REPS2: variants seen among roughly 807,000 people sequenced by gnomAD.
REPS2 encodes the protein ralBP1-associated Eps domain-containing protein 2.
In REPS2, 23 loss-of-function variants were observed where a neutral mutation model predicts 53.6. That is an observed-to-expected ratio of 0.43 (90% CI 0.31 to 0.61). REPS2 has a LOEUF of 0.61. Among genes scored for constraint, REPS2 ranks in the 20% least tolerant of loss-of-function variants. The pLI is 0.11. For synonymous variants in REPS2, 238 were observed against 218.6 expected (o/e 1.09, Z -0.78); for missense variants, 446 against 534.9 (o/e 0.83, Z 1.64).
chrX:16,993,223 T>C lies in REPS2; in HGVS notation c.274-12998T>C, dbSNP rs373436282. Among the ~76,000 whole-genome samples, 7 of 112,294 alleles carry C rather than the reference T, an allele frequency of 6.2e-5. No individual in the cohort carries two copies. The East Asian group carries it at 1.4e-3, about 22-fold the overall frequency. ...GGTGAGAGTACAGATTCTAGGTATA[T>C]GCAATTCTAATAAATGAGACTTCCC... is the stretch of plus-strand genomic sequence containing the variant. On this transcript the variant is annotated intron_variant, in intron 1 of 17. Transcript: ENST00000357277.
At chrX:16,961,896 A>C (rs375657628) in intron 1 of REPS2, among the ~76,000 whole-genome samples, 1 of 112,275 alleles carries the variant, frequency 8.9e-6, no homozygotes, top group Non-Finnish European at 1.9e-5. Flanking sequence ...AAAGGTACTC[A>C]GTATCACTAA....
Position 17,150,769 on chromosome X carries a change from TAGAA to T in REPS2, c.*3292_*3295del, listed in dbSNP as rs2063561919. 8.9e-6 allele frequency: 1 copy of T among 111,819 alleles called. No individual in the cohort carries two copies. The highest frequency in any genetic ancestry group is 3.8e-4 in the South Asian group (1 of 2,632). 9.2% of individuals were successfully genotyped at this position (111,819 alleles called of 1,213,427 possible). Reference sequence around the variant, plus strand: ...AACAGTTCCTGGCCCAAAAAATCCATAGAAAGAGGTAACTAGTGGCAGATTTGGG... The same window carrying T: ...AACAGTTCCTGGCCCAAAAAATCCATAGAGGTAACTAGTGGCAGATTTGGG... On this transcript the variant is annotated 3_prime_UTR_variant, in exon 18 of 18. Coordinates refer to ENST00000357277, the MANE Select transcript of REPS2 (RefSeq NM_004726.3).
intron 14 of REPS2, among the ~76,000 whole-genome samples, chrX:17,128,405 G>A (rs1052540532): frequency 9.1e-6 from 1 of 109,974 alleles, no homozygotes; most frequent in Admixed American, 9.7e-5. Flanking sequence ...GGCTGCTGGA[G>A]GTGGGGGTGG....
chrX:17,014,262 G>A (rs1023387878), intron 2 of REPS2, among the ~76,000 whole-genome samples: 1 of 111,214 alleles, frequency 9.0e-6, no homozygotes, highest in African/African-American at 3.3e-5. Context: ...AAAATAAAAG[G>A]GATGCTGCTT....
intron 17 of REPS2, among the ~76,000 whole-genome samples, chrX:17,139,878 A>G (rs1477544362): frequency 1.8e-5 from 2 of 111,640 alleles, no homozygotes; most frequent in Non-Finnish European, 3.8e-5. Context: ...CTAATCTAGC[A>G]TGACCTCATC....
rs751015675 is a variant in REPS2 at position 17,147,481 on chromosome X, AC to A, written c.*7del. ...AACTTCGTCCGGTCACTGTGTTGTG[AC>A]CCCCCCATGGTTCAAGTGACAGTGG... On this transcript the variant is annotated 3_prime_UTR_variant, in exon 18 of 18. Transcript: ENST00000357277. The A allele has an allele frequency of 1.0e-5, 12 of 1,177,022 alleles. No individual in the cohort carries two copies. The highest frequency in any genetic ancestry group is 9.7e-5 in the South Asian group (5 of 51,540).
Position 17,120,517 on chromosome X carries a change from A to G in REPS2, c.1579-13307A>G, listed in dbSNP as rs150976977. Among the ~76,000 whole-genome samples the G allele has an allele frequency of 7.8e-3, 877 of 111,925 alleles. 12 individuals are homozygous for G. Among genetic ancestry groups the G allele is most frequent in the African/African-American group, 0.027 (845 of 30,760 alleles). On this transcript the variant is annotated intron_variant, in intron 14 of 17. Transcript: ENST00000357277. ...AGCACTTAGAATGATGCCTGGTGCC[A>G]TAGTCAACCCTCAATAACATTTAGC...
At chrX:17,044,719 G>A (rs1419569969) in intron 5 of REPS2, among the ~76,000 whole-genome samples, 1 of 111,698 alleles carries the variant, frequency 9.0e-6, no homozygotes, top group Non-Finnish European at 1.9e-5. Flanking sequence ...GTGCTCCTGT[G>A]AGTTCTCCAC....
chrX:17,045,867 G>A (rs1033911846), intron 5 of REPS2, among the ~76,000 whole-genome samples: 3 of 110,959 alleles, frequency 2.7e-5, no homozygotes, highest in Non-Finnish European at 5.7e-5. Flanking sequence ...TTTTACAGTA[G>A]CTCAACATTT....
chrX:17,187,870 A>T, the REPS2 span, among the ~76,000 whole-genome samples: 1 of 112,814 alleles, frequency 8.9e-6, no homozygotes, highest in Non-Finnish European at 1.9e-5. Flanking sequence ...AATTATTGAA[A>T]AAAGGAAGCT....
chrX:17,183,114 G>T, the REPS2 span, among the ~76,000 whole-genome samples: 22 of 112,403 alleles, frequency 2.0e-4, no homozygotes, highest in African/African-American at 6.1e-4. Flanking sequence ...TTCAAAGGAG[G>T]AATGTTCCCT....
At chrX:16,988,651 A>T (rs745543243) in intron 1 of REPS2, among the ~76,000 whole-genome samples, 1 of 109,810 alleles carries the variant, frequency 9.1e-6, no homozygotes, top group East Asian at 2.9e-4. Context: ...AACTTACAAA[A>T]ATGAGTTGTA....
the REPS2 span, among the ~76,000 whole-genome samples, chrX:17,165,049 CCA>C: frequency 9.3e-6 from 1 of 107,326 alleles, no homozygotes; most frequent in Non-Finnish European, 1.9e-5. Flanking sequence ...ACCACCACCA[CCA>C]CACACACACA....
the REPS2 span, among the ~76,000 whole-genome samples, chrX:17,166,575 G>A: frequency 8.9e-6 from 1 of 111,946 alleles, no homozygotes; most frequent in African/African-American, 3.2e-5. Context: ...ATAGAAAAAC[G>A]AATCCACCCA....
At chrX:17,046,329 C>A (rs2061905395) in intron 5 of REPS2, among the ~76,000 whole-genome samples, 1 of 109,475 alleles carries the variant, frequency 9.1e-6, no homozygotes, top group South Asian at 4.0e-4. Context: ...AGGCACGCAC[C>A]ACCATGCCTA....
rs2061959057 is a variant in REPS2, at chrX:17,050,046, T to C, written c.908-2336T>C. ...CTTCCAGTCCTGCAAGCTCCATTCATGGTAAGGGACCTACAAAGGTGAACC... is the reference window on the plus strand; with the variant it reads ...CTTCCAGTCCTGCAAGCTCCATTCACGGTAAGGGACCTACAAAGGTGAACC... On this transcript the variant is annotated intron_variant, in intron 6 of 17. Coordinates refer to ENST00000357277, the MANE Select transcript of REPS2 (RefSeq NM_004726.3). Among the ~76,000 whole-genome samples the C allele has an allele frequency of 3.7e-5, 4 of 106,794 alleles. No individual in the cohort carries two copies. The South Asian group carries it at 1.7e-3, about 45-fold the overall frequency. The allele number at this position is 106,794 out of a possible 115,157, so 92.7% of individuals were successfully genotyped here. A position where few individuals can be genotyped will look rare whatever the true frequency, so the allele number is the denominator to read the frequency against.
chrX:17,000,920 C>T (rs749434528), intron 1 of REPS2, among the ~76,000 whole-genome samples: 8 of 111,713 alleles, frequency 7.2e-5, no homozygotes, highest in Middle Eastern at 4.6e-3. Flanking sequence ...GACCCATGAG[C>T]GGTAGTTTTC....
chrX:17,041,265 G>A (rs1335296342), intron 5 of REPS2, among the ~76,000 whole-genome samples: 1 of 111,069 alleles, frequency 9.0e-6, no homozygotes, highest in Non-Finnish European at 1.9e-5. Context: ...TAACTTCAAG[G>A]GAGGCTGGAA....
intron 14 of REPS2, among the ~76,000 whole-genome samples, chrX:17,107,929 T>C (rs2062896068): frequency 9.0e-6 from 1 of 111,343 alleles, no homozygotes; most frequent in Non-Finnish European, 1.9e-5. Context: ...TTTTGTTTTG[T>C]TTTCTTAAGA....
Sources: gnomAD v4.1 joint callset for allele counts (sites outside exome capture counted in the v4.1 genomes callset) on GRCh38, gnomAD v4.1.1 for gene constraint, MANE v1.5 for transcripts, NCBI Gene and HGNC (gene_info 2026-07-23, HGNC 2026-07-21) for gene names.